The following PCDH15 variants were observed in gnomAD, a reference collection of about 807,000 sequenced individuals.
PCDH15 encodes protocadherin-15.
In PCDH15, 129 loss-of-function variants were observed where a neutral mutation model predicts 178.5. The observed-to-expected ratio is 0.72, with a 90% CI of 0.63 to 0.84. PCDH15 has a LOEUF of 0.84. Among genes scored for constraint, PCDH15 ranks in the 40% least tolerant of loss-of-function variants. The probability of loss-of-function intolerance (pLI) is 0.00; values close to 1 mark genes in which losing one functional copy is unlikely to be tolerated. For synonymous variants in PCDH15, 800 were observed against 732.0 expected, an observed-to-expected ratio of 1.09 and a Z score of -1.50; for missense variants, 2,230 against 2,099.9, an observed-to-expected ratio of 1.06 and a Z score of -1.21.
At chr10:55,567,671 A>T (rs1363460710) in intron 2 of PCDH15, among the ~76,000 whole-genome samples, 1 of 152,058 alleles carries the variant, frequency 6.6e-6, no homozygotes, top group Non-Finnish European at 1.5e-5. Context: ...ACAAATGGCA[A>T]ATAAACACTT....
At chr10:54,083,149 G>A (rs984966619) in intron 16 of PCDH15, among the ~76,000 whole-genome samples, 1 of 151,924 alleles carries the variant, frequency 6.6e-6, no homozygotes, top group African/African-American at 2.4e-5. Context: ...GGCAAAAATG[G>A]GAATAAATCA....
rs1337860102 is a variant in PCDH15 at position 55,341,019 on chromosome 10, GACCTTT to G, written c.-155-174374_-155-174369del. On this transcript the variant is annotated intron_variant, in intron 2 of 5. Transcript: ENST00000613346. ...TTTGTTTTCTTTTTCACTCTGGTAGGACCTTTAAAGCTTTTCATTCACCTTCAATTT... is the reference window on the plus strand; with the variant it reads ...TTTGTTTTCTTTTTCACTCTGGTAGGAAAGCTTTTCATTCACCTTCAATTT... Among the ~76,000 whole-genome samples, 3 of 151,772 alleles carry G rather than the reference GACCTTT, an allele frequency of 2.0e-5. No homozygotes were observed. In the East Asian group the frequency reaches 5.8e-4, roughly 29 times the overall value.
At chr10:54,676,478 G>C (rs1446113806) in intron 1 of PCDH15, among the ~76,000 whole-genome samples, 1 of 151,930 alleles carries the variant, frequency 6.6e-6, no homozygotes. Context: ...TATTTTTGTT[G>C]AAATGACTAA....
intron 3 of PCDH15, among the ~76,000 whole-genome samples, chr10:54,437,944 G>A (rs1243222570): frequency 6.6e-6 from 1 of 152,000 alleles, no homozygotes; most frequent in Admixed American, 6.6e-5. Flanking sequence ...CCCATCACTT[G>A]AGAATAACTC....
intron 2 of PCDH15, among the ~76,000 whole-genome samples, chr10:54,537,162 C>A (rs1475918578): frequency 6.6e-6 from 1 of 151,944 alleles, no homozygotes; most frequent in African/African-American, 2.4e-5. Context: ...CCATGCCCAG[C>A]TAATTTTTTT....
At chr10:54,741,942 T>A (rs1351476297) in intron 1 of PCDH15, among the ~76,000 whole-genome samples, 1 of 152,060 alleles carries the variant, frequency 6.6e-6, no homozygotes, top group East Asian at 1.9e-4. Context: ...GGCTATAACA[T>A]ATTCAACAAT....
At position 54,478,896 on chromosome 10, in the gene PCDH15, T is replaced by C. The variant is rs2078481633; in HGVS notation, c.157+48916A>G. ...ATCACAGTCAAGTCTAGAGGCAAAA[T>C]AGAAATAACAGATGCAATACAAATG... On this transcript the variant is annotated intron_variant, in intron 3 of 37. Coordinates refer to ENST00000644397, the MANE Select transcript of PCDH15 (RefSeq NM_001384140.1). 2.0e-5 allele frequency among the ~76,000 whole-genome samples: 3 copies of C among 150,128 alleles called. No homozygotes were observed. In the Admixed American group the frequency reaches 2.0e-4, roughly 10 times the overall value.
Position 54,346,454 on chromosome 10 carries a change from C to G in PCDH15, c.505G>C (p.Gly169Arg), listed in dbSNP as rs201845436. Residue 169 changes from glycine to arginine, a missense_variant, in exon 6 of 38, where the codon GGA becomes CGA. Coordinates refer to ENST00000644397, the MANE Select transcript of PCDH15 (RefSeq NM_001384140.1). ...GTAGCTCCATTGTCTCCTGAAAATCCTGTGAATATTGTGGTACCAACTGGA... is the reference window on the plus strand; with the variant it reads ...GTAGCTCCATTGTCTCCTGAAAATCGTGTGAATATTGTGGTACCAACTGGA... ...LTPVGTTIFTGFSGDNGATDI... is the reference protein window; with the variant it reads ...LTPVGTTIFTRFSGDNGATDI... 6.2e-7 allele frequency: 1 copy of G among 1,613,636 alleles called. No homozygotes were observed. Among genetic ancestry groups the G allele is most frequent in the East Asian group, 2.2e-5 (1 of 44,858 alleles).
intron 13 of PCDH15, among the ~76,000 whole-genome samples, chr10:54,180,839 AAAC>A (rs1364409745): frequency 1.3e-5 from 2 of 152,214 alleles, no homozygotes; most frequent in Non-Finnish European, 2.9e-5. Flanking sequence ...ATGCTGACAC[AAAC>A]AACAGTCTAT....
chr10:54,580,308 C>T (rs751194717), intron 2 of PCDH15, among the ~76,000 whole-genome samples: 3 of 151,816 alleles, frequency 2.0e-5, no homozygotes, highest in Non-Finnish European at 4.4e-5. Flanking sequence ...ACATGGAAAC[C>T]GAAAAGATCC....
chr10:53,949,880 T>G (rs1316299092), intron 23 of PCDH15, among the ~76,000 whole-genome samples: 1 of 152,220 alleles, frequency 6.6e-6, no homozygotes, highest in Non-Finnish European at 1.5e-5. Flanking sequence ...ATGAATGCCT[T>G]GATTATAAAT....
chr10:53,968,596 C>T (rs1472882278), intron 21 of PCDH15, among the ~76,000 whole-genome samples: 2 of 152,188 alleles, frequency 1.3e-5, no homozygotes, highest in South Asian at 2.1e-4. Context: ...CTGGGAGACA[C>T]ATCCCAGTAG....
intron 2 of PCDH15, among the ~76,000 whole-genome samples, chr10:55,464,240 A>AACGTCAGAACAATGATCAGG (rs1839780213): frequency 6.6e-6 from 1 of 152,148 alleles, no homozygotes; most frequent in Non-Finnish European, 1.5e-5. Context: ...CAATGATCAG[A>AACGTCAGAACAATGATCAGG]ACATCAGAAC....
intron 26 of PCDH15, among the ~76,000 whole-genome samples, chr10:53,894,373 C>G (rs1430482898): frequency 6.6e-6 from 1 of 152,096 alleles, no homozygotes. Flanking sequence ...CAGACGAGAT[C>G]GGGCGCATTC....
At chr10:55,014,603 T>C (rs1840125567) in intron 2 of PCDH15, among the ~76,000 whole-genome samples, 1 of 152,190 alleles carries the variant, frequency 6.6e-6, no homozygotes, top group Non-Finnish European at 1.5e-5. Flanking sequence ...AGAAAGAGGA[T>C]GTTATATTCA....
chr10:54,936,494 C>A (rs1245828915), intron 2 of PCDH15, among the ~76,000 whole-genome samples: 2 of 151,932 alleles, frequency 1.3e-5, no homozygotes, highest in Admixed American at 1.3e-4. Context: ...ACATTCCAGC[C>A]AACAACGTGT....
intron 3 of PCDH15, among the ~76,000 whole-genome samples, chr10:54,515,042 C>T (rs537923513): frequency 2.0e-4 from 30 of 152,182 alleles, no homozygotes; most frequent in Non-Finnish European, 2.9e-4. Flanking sequence ...CAGTTCCCAG[C>T]GTGAGTGACG....
intron 20 of PCDH15, among the ~76,000 whole-genome samples, chr10:54,006,539 C>T (rs186963697): frequency 3.9e-5 from 6 of 152,230 alleles, no homozygotes; most frequent in Admixed American, 2.0e-4. Flanking sequence ...GGACAACCTC[C>T]TGGTCTCTCA....
intron 2 of PCDH15, among the ~76,000 whole-genome samples, chr10:54,597,956 T>C (rs1590373713): frequency 6.6e-6 from 1 of 151,894 alleles, no homozygotes; most frequent in Non-Finnish European, 1.5e-5. Flanking sequence ...TCCCTGAAGA[T>C]AACTATAACA....
Sources: gnomAD v4.1 joint callset for allele counts (sites outside exome capture counted in the v4.1 genomes callset) on GRCh38, gnomAD v4.1.1 for gene constraint, MANE v1.5 for transcripts, NCBI Gene and HGNC (gene_info 2026-07-23, HGNC 2026-07-21) for gene names.